ARHGAP23: variants seen among roughly 807,000 people sequenced by gnomAD.
ARHGAP23 encodes Rho GTPase activating protein 23.
Under a neutral mutation model 136.3 loss-of-function variants are expected in ARHGAP23, and 34 were observed. The observed-to-expected ratio is 0.25, with a 90% CI of 0.19 to 0.33. The LOEUF (loss-of-function observed/expected upper bound fraction) is 0.33. Among genes scored for constraint, ARHGAP23 ranks in the 10% least tolerant of loss-of-function variants. The pLI, the probability that ARHGAP23 is intolerant of heterozygous loss-of-function variation, is 1.00. For missense variants in ARHGAP23, 1,808 were observed against 2,139.0 expected (o/e 0.85, Z 3.05); for synonymous variants, 832 against 920.5 (o/e 0.90, Z 1.74).
chr17:38,488,537 T>G (rs2040204645), intron 17 of ARHGAP23, among the ~76,000 whole-genome samples: 1 of 152,236 alleles, frequency 6.6e-6, no homozygotes, highest in African/African-American at 2.4e-5. Context: ...AAACAAATTT[T>G]TTGTTGTTGT....
chr17:38,490,585 G>A, intron 19 of ARHGAP23, 34 bp downstream of exon 19: 2 of 1,453,880 alleles, frequency 1.4e-6, no homozygotes, highest in African/African-American at 1.4e-5. Flanking sequence ...TCTGGGGGAG[G>A]CAAGCACGGA....
intron 1 of ARHGAP23, among the ~76,000 whole-genome samples, chr17:38,444,464 G>A (rs942729560): frequency 6.6e-6 from 1 of 152,162 alleles, no homozygotes; most frequent in African/African-American, 2.4e-5. Flanking sequence ...TGTGTGCTTG[G>A]TGGGTTTGAG....
intron 1 of ARHGAP23, among the ~76,000 whole-genome samples, chr17:38,422,808 C>A (rs2038532355): frequency 6.6e-6 from 1 of 152,176 alleles, no homozygotes; most frequent in Non-Finnish European, 1.5e-5. Flanking sequence ...TCCTGGGAGA[C>A]CTGACACCAG....
Position 38,466,706 on chromosome 17 carries a change from G to A in ARHGAP23, c.1023G>A (p.Leu341=), listed in dbSNP as rs1340556504. The change falls in exon 7 of 24, where the codon CTG becomes CTA. Residue 341 remains leucine, a synonymous_variant. Transcript: ENST00000622683. ...CCTCCCAGGATGCTTTGAGCCAGCTGGGCCAGGAGGGCTGGCACCGAGCTC... is the reference window on the plus strand; with the variant it reads ...CCTCCCAGGATGCTTTGAGCCAGCTAGGCCAGGAGGGCTGGCACCGAGCTC... ...CSTSQDALSQ[L]GQEGWHRARS... 2 of 1,532,426 alleles carry A rather than the reference G, an allele frequency of 1.3e-6. No individual in the cohort carries two copies. The highest frequency in any genetic ancestry group is 4.0e-5 in the Admixed American group (2 of 49,922). 94.9% of individuals were successfully genotyped at this position (1,532,426 alleles called of 1,614,324 possible).
rs1054520339 is a variant in ARHGAP23 at position 38,462,964 on chromosome 17, G to A, written c.349+23G>A. 6 of 1,545,126 alleles carry A rather than the reference G, an allele frequency of 3.9e-6. No homozygotes were observed. The African/African-American group carries it at 8.3e-5, about 21-fold the overall frequency. On this transcript the variant is annotated intron_variant, in intron 4 of 23. Coordinates refer to ENST00000622683, the MANE Select transcript of ARHGAP23 (RefSeq NM_001199417.2). ...CAGGTGAGCTGGCCCAGTTACCTGG[G>A]CTCTACTTTCTACCTTCTGGCTAGG...
Position 38,428,496 on chromosome 17 carries a change from T to TG in ARHGAP23, c.11_12insG (p.Ala5ArgfsTer29), listed in dbSNP as rs2038609606. On this transcript the variant is annotated frameshift_variant, in exon 1 of 24. Coordinates refer to ENST00000622683, the MANE Select transcript of ARHGAP23 (RefSeq NM_001199417.2). LOFTEE classifies it high-confidence loss of function. ...CGCCGCTGCCACCCGATGAATGGAGTCGCCTTCTGCCTGGTCGGGATCCCG... is the reference window on the plus strand; with the variant it reads ...CGCCGCTGCCACCCGATGAATGGAGTGCGCCTTCTGCCTGGTCGGGATCCCG... The TG allele has an allele frequency of 6.9e-7, 1 of 1,449,132 alleles. No individual in the cohort carries two copies. Among genetic ancestry groups the TG allele is most frequent in the Admixed American group, 2.5e-5 (1 of 40,812 alleles). The allele number at this position is 1,449,132 out of a possible 1,614,324, so 89.8% of individuals were successfully genotyped here. A position where few individuals can be genotyped will look rare whatever the true frequency, so the allele number is the denominator to read the frequency against.
At chr17:38,495,749 C>T (rs1220912849) in intron 20 of ARHGAP23, among the ~76,000 whole-genome samples, 2 of 152,162 alleles carry the variant, frequency 1.3e-5, no homozygotes, top group Non-Finnish European at 2.9e-5. Flanking sequence ...CCTTCCAGGA[C>T]ACCTTCCACT....
Position 38,486,063 on chromosome 17 carries a change from G to A in ARHGAP23, c.2909G>A (p.Arg970His), listed in dbSNP as rs750038546. 135 of 1,551,008 alleles carry A rather than the reference G, an allele frequency of 8.7e-5. No homozygotes were observed. Among genetic ancestry groups the A allele is most frequent in the Non-Finnish European group, 6.1e-5 (70 of 1,146,772 alleles). ...GPGDINLQDE[R>H]WQDLNVISSL... ...CCTGACATCTGACCCCTCCCCCAGC[G>A]CTGGCAAGACCTCAATGTGATCAGC... The change falls in exon 17 of 24, where the codon CGC (arginine) becomes CAC (histidine). Residue 970 changes from arginine to histidine, a missense_variant and splice_region_variant. Arg to His is a conservative substitution (Grantham distance 29). Coordinates refer to ENST00000622683, the MANE Select transcript of ARHGAP23 (RefSeq NM_001199417.2).
intron 1 of ARHGAP23, among the ~76,000 whole-genome samples, chr17:38,452,916 T>C (rs12947226): frequency 0.13 from 19,322 of 152,142 alleles, 1,408 homozygotes; most frequent in Middle Eastern, 0.26. Flanking sequence ...AGCTAATGGG[T>C]AGGGAGTCCT....
chr17:38,465,920 A>G (rs1295316728), intron 6 of ARHGAP23, among the ~76,000 whole-genome samples: 1 of 152,006 alleles, frequency 6.6e-6, no homozygotes, highest in Non-Finnish European at 1.5e-5. Flanking sequence ...AGTCCTTGTC[A>G]CAGTCTTAGC....
intron 6 of ARHGAP23, among the ~76,000 whole-genome samples, chr17:38,464,258 G>A (rs72823856): frequency 0.051 from 7,690 of 152,170 alleles, 263 homozygotes; most frequent in Middle Eastern, 0.16. Flanking sequence ...GACACTGCAC[G>A]AAGCAGGCCC....
chr17:38,506,949 G>T (rs972559612), intron 23 of ARHGAP23, among the ~76,000 whole-genome samples: 4 of 152,136 alleles, frequency 2.6e-5, no homozygotes, highest in Non-Finnish European at 4.4e-5. Flanking sequence ...CAGGTGCTCC[G>T]TGTGTGTCGG....
chr17:38,428,450 G>A (rs2038607981), upstream of ARHGAP23: 4 of 1,395,328 alleles, frequency 2.9e-6, no homozygotes. Context: ...GGCGCCCCCA[G>A]CCGTGCCCCG....
chr17:38,490,551 G>A lies in ARHGAP23; in HGVS notation c.3150G>A (p.Lys1050=), dbSNP rs1445946320. ...TCGCTGACCACTCTGAGAAAAACAA[G>A]GTGGGTAGGAGTCCCGCATGGAGTC... is the stretch of plus-strand genomic sequence containing the variant. ...KTIADHSEKN[K]MEPRNLALVF... is the part of the protein sequence containing the mutation. The change falls in exon 19 of 24, where the codon AAG becomes AAA. Residue 1050 remains lysine, a splice_region_variant and synonymous_variant. Transcript: ENST00000622683. The A allele has an allele frequency of 5.2e-6, 8 of 1,538,320 alleles. No individual in the cohort carries two copies. Among genetic ancestry groups the A allele is most frequent in the Non-Finnish European group, 7.0e-6 (8 of 1,136,574 alleles).
At chr17:38,509,889 T>C (rs1021097337) in intron 23 of ARHGAP23, 55 bp from the exon 24 acceptor site, 43 of 1,212,060 alleles carry the variant, frequency 3.5e-5, no homozygotes, top group Non-Finnish European at 4.5e-5. Flanking sequence ...TAGAGCGGGG[T>C]CGGCAGGGGG....
At chr17:38,440,618 G>T (rs2038899174) in intron 1 of ARHGAP23, among the ~76,000 whole-genome samples, 1 of 152,150 alleles carries the variant, frequency 6.6e-6, no homozygotes, top group Non-Finnish European at 1.5e-5. Flanking sequence ...GGCCCCCCTA[G>T]CCCGGTGCCA....
Position 38,428,605 on chromosome 17 carries a change from G to A in ARHGAP23, c.63+57G>A, listed in dbSNP as rs1013371667. 9.0e-6 allele frequency: 11 copies of A among 1,218,178 alleles called. No homozygotes were observed. In the Admixed American group the frequency reaches 3.7e-4, roughly 41 times the overall value. The allele number at this position is 1,218,178 out of a possible 1,614,324, so 75.5% of individuals were successfully genotyped here. On this transcript the variant is annotated intron_variant, in intron 1 of 23. Coordinates refer to ENST00000622683, the MANE Select transcript of ARHGAP23 (RefSeq NM_001199417.2). The stretch of plus-strand genomic sequence containing the variant: ...GCCGGTAGCTGCTGGGGAGCGGGCT[G>A]CCAAGCCAGGGTCGCTGCGACCCCG...
intron 1 of ARHGAP23, among the ~76,000 whole-genome samples, chr17:38,420,605 G>A (rs983913396): frequency 6.6e-6 from 1 of 152,098 alleles, no homozygotes; most frequent in Non-Finnish European, 1.5e-5. Flanking sequence ...GGTGGAGTCC[G>A]TGGAAGGGGT....
At chr17:38,481,800 C>T (rs905483054) in intron 14 of ARHGAP23, among the ~76,000 whole-genome samples, 5 of 152,190 alleles carry the variant, frequency 3.3e-5, no homozygotes, top group African/African-American at 4.8e-5. Flanking sequence ...TTTTGGCCCA[C>T]GAGCCACACG....
Sources: allele counts gnomAD v4.1 joint callset (sites outside exome capture counted in the v4.1 genomes callset), GRCh38; gene constraint gnomAD v4.1.1; transcripts MANE v1.5; gene names NCBI Gene and HGNC (gene_info 2026-07-23, HGNC 2026-07-21).